The following ROBO4 variants were observed in gnomAD, a reference collection of about 807,000 sequenced individuals.
ROBO4 encodes roundabout guidance receptor 4, also known as roundabout homolog 4.
In ROBO4, 80 loss-of-function variants were observed where a neutral mutation model predicts 103.3. The ratio of observed to expected loss-of-function variants is 0.77; its 90% confidence interval spans 0.65 to 0.93. ROBO4 has a LOEUF of 0.93. Ranked by LOEUF, ROBO4 falls within the 40% of genes least tolerant of loss-of-function variation. The probability of loss-of-function intolerance (pLI) is 0.00; values close to 1 mark genes in which losing one functional copy is unlikely to be tolerated. For synonymous variants in ROBO4, 504 were observed against 529.7 expected, an observed-to-expected ratio of 0.95 and a Z score of 0.67; for missense variants, 1,333 against 1,305.3, an observed-to-expected ratio of 1.02 and a Z score of -0.33.
At chr11:124,889,301 G>A (rs373801559) in intron 12 of ROBO4, among the ~76,000 whole-genome samples, 1 of 152,172 alleles carries the variant, frequency 6.6e-6, no homozygotes, top group Non-Finnish European at 1.5e-5. Flanking sequence ...CTGGCTTCTT[G>A]ACTAAGCTCA....
intron 8 of ROBO4, 70 bp downstream of exon 8, chr11:124,894,131 C>G: frequency 6.4e-7 from 1 of 1,556,406 alleles, no homozygotes; most frequent in Non-Finnish European, 8.7e-7. Context: ...AAGTGTGAGG[C>G]GGGAGCAGGG....
rs1232435361 is a variant in ROBO4, at chr11:124,897,136, A to G, written c.196T>C (p.Leu66=). Residue 66 remains leucine, a synonymous_variant, in exon 2 of 18, where the codon TTG becomes CTG. Coordinates refer to ENST00000306534, the MANE Select transcript of ROBO4 (RefSeq NM_019055.6). ...ATGCTCAGGGGCTGCCCATTCAGCAACCAGCGGATGGTGGGAGGTGGCTGG... is the reference window on the plus strand; with the variant it reads ...ATGCTCAGGGGCTGCCCATTCAGCAGCCAGCGGATGGTGGGAGGTGGCTGG... ...SGQPPPTIRW[L]LNGQPLSMVP... 1 of 1,569,358 alleles carries G rather than the reference A, an allele frequency of 6.4e-7. No individual in the cohort carries two copies.
Position 124,895,794 on chromosome 11 carries a change from G to A in ROBO4, c.798C>T (p.Leu266=). The change falls in exon 5 of 18, where the codon CTC becomes CTT. Residue 266 remains leucine (L), a synonymous_variant. Coordinates refer to ENST00000306534, the MANE Select transcript of ROBO4 (RefSeq NM_019055.6). The part of the protein sequence containing the change: ...EGPKPRPAVW[L]SWKVSGPAAP... ...AGCACCTGGTCCTCACCTTCCAGCT[G>A]AGCCACACCGCCGGTCTAGGCTTGG... is the stretch of plus-strand genomic sequence containing the variant. 1 of 1,614,132 alleles carries A rather than the reference G, an allele frequency of 6.2e-7. No individual in the cohort carries two copies. The highest frequency in any genetic ancestry group is 8.5e-7 in the Non-Finnish European group (1 of 1,180,030).
rs1207972991 is a variant in ROBO4, at chr11:124,887,069, TGAG to T, written c.2340_2342del (p.Ser781del). On this transcript the variant is annotated inframe_deletion, in exon 15 of 18. Transcript: ENST00000306534. ...CTTGATCCTCCCCCAGGGATGACAG[TGAG>T]GAGCTGGACAGGCGACTGGAAGCTG... 1 of 1,612,520 alleles carries T rather than the reference TGAG, an allele frequency of 6.2e-7. No individual in the cohort carries two copies. Among genetic ancestry groups the T allele is most frequent in the African/African-American group, 1.3e-5 (1 of 74,412 alleles).
rs1946803059 is a variant in ROBO4 at position 124,891,748 on chromosome 11, G to A, written c.1602C>T (p.Gly534=). 3 of 1,613,862 alleles carry A rather than the reference G, an allele frequency of 1.9e-6. No individual in the cohort carries two copies. The highest frequency in any genetic ancestry group is 2.5e-6 in the Non-Finnish European group (3 of 1,179,840). ...TGCTGCTGCTGCTCAGGTCCCGAGAGCCAGAGGTGGAACGCCAAGTGTCTG... is the reference window on the plus strand; with the variant it reads ...TGCTGCTGCTGCTCAGGTCCCGAGAACCAGAGGTGGAACGCCAAGTGTCTG... ...WLADTWRSTS[G]SRDLSSSSSL... Residue 534 remains glycine (G), a synonymous_variant, in exon 11 of 18, where the codon GGC becomes GGT. Coordinates refer to ENST00000306534, the MANE Select transcript of ROBO4 (RefSeq NM_019055.6).
At chr11:124,888,664 G>A (rs975095331) in intron 12 of ROBO4, among the ~76,000 whole-genome samples, 2 of 152,206 alleles carry the variant, frequency 1.3e-5, no homozygotes, top group Non-Finnish European at 2.9e-5. Flanking sequence ...CTGTCATCTG[G>A]CCCACATGGG....
chr11:124,897,593 C>CTCATCA, intron 1 of ROBO4, 133 bp downstream of exon 1: 1 of 736,486 alleles, frequency 1.4e-6, no homozygotes, highest in East Asian at 2.6e-5. Flanking sequence ...CTTACACACA[C>CTCATCA]TCATCATCAT....
At chr11:124,893,637 A>G in intron 10 of ROBO4, 51 bp downstream of exon 10, 1 of 1,556,936 alleles carries the variant, frequency 6.4e-7, no homozygotes, top group Non-Finnish European at 8.9e-7. Context: ...TTGCAGCTCC[A>G]CTGTCCCTTG....
chr11:124,896,756 A>T, intron 2 of ROBO4, 86 bp from the exon 3 acceptor site: 1 of 1,523,732 alleles, frequency 6.6e-7, no homozygotes, highest in Non-Finnish European at 8.8e-7. Flanking sequence ...TGCTTTGCCC[A>T]CCTTCCTGGC....
In ROBO4 at chr11:124,893,683, C is replaced by T; in HGVS notation, c.1547+5G>A. ...TTACTTCAGACCTCCCCTTTCACCT[C>T]TCACCTGTGTTTTAGGATGGCATCC... On this transcript the variant is annotated splice_donor_5th_base_variant and intron_variant, in intron 10 of 17. Coordinates refer to ENST00000306534, the MANE Select transcript of ROBO4 (RefSeq NM_019055.6). 6.2e-7 allele frequency: 1 copy of T among 1,613,952 alleles called. No homozygotes were observed. The highest frequency in any genetic ancestry group is 8.5e-7 in the Non-Finnish European group (1 of 1,179,846).
At chr11:124,896,072 C>A in intron 4 of ROBO4, 126 bp downstream of exon 4, 1 of 1,515,122 alleles carries the variant, frequency 6.6e-7, no homozygotes, top group African/African-American at 1.4e-5. Flanking sequence ...GGGAACCTCC[C>A]GCTACGTGAG....
chr11:124,887,294 C>G (rs76041107), intron 14 of ROBO4, 64 bp downstream of exon 14: 2 of 1,609,300 alleles, frequency 1.2e-6, no homozygotes, highest in African/African-American at 2.7e-5. Context: ...CCTGTCCAAT[C>G]CCGGCACACA....
chr11:124,885,073 C>G lies in ROBO4; in HGVS notation c.2969G>C (p.Ser990Thr). The G allele has an allele frequency of 6.2e-7, 1 of 1,614,212 alleles. No homozygotes were observed. The highest frequency in any genetic ancestry group is 8.5e-7 in the Non-Finnish European group (1 of 1,180,046). The change falls in exon 17 of 18, where the codon AGT becomes ACT. Residue 990 changes from serine (S) to threonine (T), a missense_variant. By Grantham distance (58) the Ser-to-Thr change is moderately conservative. Coordinates refer to ENST00000306534, the MANE Select transcript of ROBO4 (RefSeq NM_019055.6). Reference sequence around the variant, plus strand: ...CTTGGGCATACGACAGTGGAGCTGACTTCTCTGGGAAGAGATCTGAGAGTC... The same window carrying G: ...CTTGGGCATACGACAGTGGAGCTGAGTTCTCTGGGAAGAGATCTGAGAGTC... ...PPDSQISSQR[S>T]QLHCRMPKAG...
At chr11:124,891,206 C>T in intron 12 of ROBO4, 93 bp downstream of exon 12, 2 of 1,413,110 alleles carry the variant, frequency 1.4e-6, no homozygotes, top group South Asian at 3.5e-5. Context: ...GGTTGCACGC[C>T]CCTCCAGGCT....
chr11:124,894,165 T>C, intron 8 of ROBO4, 36 bp downstream of exon 8: 3 of 1,580,086 alleles, frequency 1.9e-6, no homozygotes, highest in Non-Finnish European at 2.6e-6. Context: ...GGATGCAGGC[T>C]GAAGGGTAGG....
At chr11:124,896,867 A>G in intron 2 of ROBO4, 65 bp downstream of exon 2, 1 of 1,564,106 alleles carries the variant, frequency 6.4e-7, no homozygotes, top group Non-Finnish European at 8.6e-7. Flanking sequence ...TGTTCCCTTG[A>G]ACATTCAGCT....
Position 124,894,569 on chromosome 11 carries a change from G to T in ROBO4, c.1150-200C>A, listed in dbSNP as rs560726915. 3 of 571,826 alleles carry T rather than the reference G, an allele frequency of 5.2e-6. No homozygotes were observed. In the South Asian group the frequency reaches 7.3e-5, roughly 14 times the overall value. The allele number at this position is 571,826 out of a possible 1,614,324, so 35.4% of individuals were successfully genotyped here. A position where few individuals can be genotyped will look rare whatever the true frequency, so the allele number is the denominator to read the frequency against. ...CTAGATCAACAGTAGAAGGGCACAA[G>T]CAAGCTGCTAAAACACATGTAACAT... On this transcript the variant is annotated intron_variant, in intron 7 of 17. Coordinates refer to ENST00000306534, the MANE Select transcript of ROBO4 (RefSeq NM_019055.6).
chr11:124,894,131 CG>C, intron 8 of ROBO4, 69 bp downstream of exon 8: 1 of 1,556,406 alleles, frequency 6.4e-7, no homozygotes, highest in East Asian at 2.3e-5. Context: ...AAGTGTGAGG[CG>C]GGAGCAGGGA....
chr11:124,888,996 G>T (rs1029337309), intron 12 of ROBO4, among the ~76,000 whole-genome samples: 3 of 152,196 alleles, frequency 2.0e-5, no homozygotes, highest in Non-Finnish European at 2.9e-5. Context: ...GAGCTATCTA[G>T]TCAGTCACAT....
Sources: gnomAD v4.1 joint callset for allele counts (sites outside exome capture counted in the v4.1 genomes callset) on GRCh38, gnomAD v4.1.1 for gene constraint, MANE v1.5 for transcripts, NCBI Gene and HGNC (gene_info 2026-07-23, HGNC 2026-07-21) for gene names.